The following SYNCRIP variants were observed in gnomAD, a reference collection of about 807,000 sequenced individuals.
SYNCRIP encodes the protein synaptotagmin binding cytoplasmic RNA interacting protein.
In SYNCRIP, 9 loss-of-function variants were observed where a neutral mutation model predicts 68.9. The observed-to-expected ratio is 0.13, with a 90% CI of 0.08 to 0.23. SYNCRIP has a LOEUF of 0.23. SYNCRIP is among the 10% of genes least tolerant of loss of function. The probability of loss-of-function intolerance (pLI) is 1.00; values close to 1 mark genes in which losing one functional copy is unlikely to be tolerated. For synonymous variants in SYNCRIP, 258 were observed against 254.0 expected (o/e 1.02, Z -0.15); for missense variants, 414 against 770.6 (o/e 0.54, Z 5.48).
intron 4 of SYNCRIP, among the ~76,000 whole-genome samples, chr6:85,639,828 A>G (rs1808917314): frequency 6.6e-6 from 1 of 152,200 alleles, no homozygotes; most frequent in African/African-American, 2.4e-5. Context: ...AGTGGAGGGC[A>G]GCAGGGTTAA....
intron 8 of SYNCRIP, among the ~76,000 whole-genome samples, chr6:85,621,608 A>C (rs1171026519): frequency 1.3e-5 from 1 of 74,758 alleles, no homozygotes; most frequent in African/African-American, 1.9e-4. Flanking sequence ...CCTGTCACTT[A>C]AAAAAAAAAA....
chr6:85,609,527 C>T (rs1413048456), downstream of SYNCRIP: 1 of 151,906 alleles, frequency 6.6e-6, no homozygotes, highest in East Asian at 1.9e-4. Context: ...CTAAAAACTG[C>T]AATCATGAGT....
intron 8 of SYNCRIP, among the ~76,000 whole-genome samples, 160 bp downstream of exon 8, chr6:85,622,322 T>C (rs947629008): frequency 6.6e-6 from 1 of 152,052 alleles, no homozygotes; most frequent in Non-Finnish European, 1.5e-5. Flanking sequence ...TGAACCAAGA[T>C]GGCACCATGG....
At chr6:85,623,562 C>CAA (rs67258131) in intron 7 of SYNCRIP, among the ~76,000 whole-genome samples, 62 of 63,232 alleles carry the variant, frequency 9.8e-4, no homozygotes, top group African/African-American at 1.7e-3. Flanking sequence ...AGACTGTCTC[C>CAA]AAAAAAAAAA....
At chr6:85,610,671 TA>T (rs969801310), downstream of SYNCRIP, 1 of 151,986 alleles carries the variant, frequency 6.6e-6, no homozygotes, top group Admixed American at 6.6e-5. Flanking sequence ...GCTATGACAG[TA>T]AAGTGCCAAT....
Position 85,614,849 on chromosome 6 carries a change from T to C in SYNCRIP, c.1779A>G (p.Gln593=), listed in dbSNP as rs777441295. 8 of 1,614,072 alleles carry C rather than the reference T, an allele frequency of 5.0e-6. No homozygotes were observed. In the Admixed American group the frequency reaches 1.0e-4, roughly 20 times the overall value. The change falls in exon 11 of 11, where the codon CAA becomes CAG. Residue 593 remains glutamine, a synonymous_variant. Transcript: ENST00000369622. ...QNWGSQPIAQ[Q]PLQGGDHSGN... is the part of the protein sequence containing the mutation. ...CAGAATGATCACCACCTTGGAGCGGTTGCTGAGCAATGGGTTGGGAGCCCC... is the reference window on the plus strand; with the variant it reads ...CAGAATGATCACCACCTTGGAGCGGCTGCTGAGCAATGGGTTGGGAGCCCC...
intron 6 of SYNCRIP, among the ~76,000 whole-genome samples, chr6:85,624,751 A>T (rs1806844660): frequency 6.6e-6 from 1 of 152,252 alleles, no homozygotes; most frequent in African/African-American, 2.4e-5. Context: ...AGATTATCAG[A>T]AAGCAGAGGC....
intron 6 of SYNCRIP, among the ~76,000 whole-genome samples, chr6:85,629,996 G>C (rs1370511044): frequency 6.8e-6 from 1 of 147,118 alleles, no homozygotes; most frequent in African/African-American, 2.5e-5. Context: ...AAAAAAAAAA[G>C]CTGTATACAC....
chr6:85,608,457 A>G (rs1055786668), exon 12 of SYNCRIP: 2 of 152,070 alleles, frequency 1.3e-5, no homozygotes, highest in Admixed American at 1.3e-4. Context: ...ACTGATCTCC[A>G]AACAAGCACA....
intron 6 of SYNCRIP, among the ~76,000 whole-genome samples, chr6:85,624,831 C>T (rs1206087014): frequency 2.0e-5 from 3 of 152,130 alleles, no homozygotes; most frequent in Non-Finnish European, 2.9e-5. Context: ...CAAAAGTATC[C>T]AAGTAATCTA....
At chr6:85,610,223 C>T (rs1274470888), downstream of SYNCRIP, 1 of 151,926 alleles carries the variant, frequency 6.6e-6, no homozygotes, top group Non-Finnish European at 1.5e-5. Flanking sequence ...CTAATCACTA[C>T]ATGCATATTT....
chr6:85,633,558 C>G (rs1808080359), intron 6 of SYNCRIP, among the ~76,000 whole-genome samples: 1 of 150,752 alleles, frequency 6.6e-6, no homozygotes, highest in Non-Finnish European at 1.5e-5. Context: ...ACCACTGCAC[C>G]CCAGCCTGGG....
chr6:85,642,298 G>A (rs4145082), intron 1 of SYNCRIP, among the ~76,000 whole-genome samples: 39,553 of 152,000 alleles, frequency 0.26, 6,464 homozygotes, highest in East Asian at 0.39. Context: ...CGCCCGCCCG[G>A]CCGAGACGTG....
At chr6:85,612,969 T>A (rs1237080296), downstream of SYNCRIP, 2 of 1,541,864 alleles carry the variant, frequency 1.3e-6, no homozygotes, top group African/African-American at 1.4e-5. Flanking sequence ...CATCTTAAAT[T>A]AATAATGTGT....
intron 2 of SYNCRIP, among the ~76,000 whole-genome samples, chr6:85,640,985 G>A (rs939197945): frequency 6.6e-6 from 1 of 152,114 alleles, no homozygotes; most frequent in African/African-American, 2.4e-5. Flanking sequence ...TATTTAAGAA[G>A]AATCCTACTA....
chr6:85,638,274 G>A (rs955698062), intron 4 of SYNCRIP, among the ~76,000 whole-genome samples: 2 of 150,012 alleles, frequency 1.3e-5, no homozygotes, highest in African/African-American at 4.9e-5. Context: ...TCAGGAGGCT[G>A]AGGCAGAGAA....
In SYNCRIP at chr6:85,639,289, A is replaced by T. The variant is rs565267037; in HGVS notation, c.375+932T>A. On this transcript the variant is annotated intron_variant, in intron 4 of 10. Transcript: ENST00000369622. ...TGAAAGCTAAAAGTCACAAACTAAA[A>T]GTTTAAAAACTTTAGTTCTAGCTCA... Among the ~76,000 whole-genome samples the T allele has an allele frequency of 1.4e-4, 21 of 152,316 alleles. No individual in the cohort carries two copies. The South Asian group carries it at 4.3e-3, about 32-fold the overall frequency.
rs1251894586 is a variant in SYNCRIP at position 85,614,879 on chromosome 6, C to T, written c.1749G>A (p.Gln583=). 6.2e-7 allele frequency: 1 copy of T among 1,614,162 alleles called. No homozygotes were observed. The highest frequency in any genetic ancestry group is 8.5e-7 in the Non-Finnish European group (1 of 1,180,028). ...GAGCAATGGGTTGGGAGCCCCAGTT[C>T]TGATTATTGGTCTGGCGCCGCTTGG... is the stretch of plus-strand genomic sequence containing the variant. ...PDSKRRQTNN[Q]NWGSQPIAQQ... is the part of the protein sequence containing the mutation. The change falls in exon 11 of 11, where the codon CAG becomes CAA. Residue 583 remains glutamine (Q), a synonymous_variant. Coordinates refer to ENST00000369622, the MANE Select transcript of SYNCRIP (RefSeq NM_006372.5).
At chr6:85,640,068 A>C (rs1808949192) in intron 4 of SYNCRIP, among the ~76,000 whole-genome samples, 153 bp downstream of exon 4, 1 of 152,246 alleles carries the variant, frequency 6.6e-6, no homozygotes, top group Non-Finnish European at 1.5e-5. Flanking sequence ...TTAGAAACAA[A>C]TAGTTTAAAA....
Sources: allele counts gnomAD v4.1 joint callset (sites outside exome capture counted in the v4.1 genomes callset), GRCh38; gene constraint gnomAD v4.1.1; transcripts MANE v1.5; gene names NCBI Gene and HGNC (gene_info 2026-07-23, HGNC 2026-07-21).